The following RHBDD1 variants were observed in gnomAD, a reference collection of about 807,000 sequenced individuals.
RHBDD1 encodes rhomboid domain containing 1, also known as rhomboid-related protein 4.
In RHBDD1, 38 loss-of-function variants were observed where a neutral mutation model predicts 36.3. That is an observed-to-expected ratio of 1.05 (90% CI 0.81 to 1.37). RHBDD1 has a LOEUF of 1.37. RHBDD1 is among the 40% of genes most tolerant of loss of function. The probability of loss-of-function intolerance (pLI) is 0.00; values close to 1 mark genes in which losing one functional copy is unlikely to be tolerated. For synonymous variants in RHBDD1, 151 were observed against 136.5 expected, an observed-to-expected ratio of 1.11 and a Z score of -0.74; for missense variants, 393 against 377.6, an observed-to-expected ratio of 1.04 and a Z score of -0.34.
intron 2 of RHBDD1, among the ~76,000 whole-genome samples, chr2:226,839,096 A>AT (rs888131516): frequency 2.0e-4 from 31 of 152,300 alleles, no homozygotes; most frequent in African/African-American, 7.5e-4. Flanking sequence ...TTTACATTAC[A>AT]TTTTTTAATA....
chr2:226,981,326 C>G (rs771371994), intron 8 of RHBDD1, among the ~76,000 whole-genome samples: 1 of 151,402 alleles, frequency 6.6e-6, no homozygotes, highest in Non-Finnish European at 1.5e-5. Flanking sequence ...GTAACGAGAC[C>G]ACACATTGTG....
rs201657953 is a variant in RHBDD1, at chr2:226,865,068, T to A, written c.375T>A (p.Ala125=). The A allele has an allele frequency of 5.1e-5, 83 of 1,614,194 alleles. No individual in the cohort carries two copies. The East Asian group carries it at 1.6e-3, about 30-fold the overall frequency. The change falls in exon 4 of 9, where the codon GCT becomes GCA. Residue 125 remains alanine, a synonymous_variant. Transcript: ENST00000392062. ...TGVVYLLLQF[A]VAEFMDEPDF... is the part of the protein sequence containing the mutation. ...TGGTATACCTGCTCTTGCAATTTGC[T>A]GTTGCCGAATTTATGGATGAACCTG...
intron 8 of RHBDD1, among the ~76,000 whole-genome samples, chr2:226,974,782 A>G (rs1441918049): frequency 6.6e-6 from 1 of 152,118 alleles, no homozygotes. Context: ...TGAACTGTAC[A>G]GTGCTGAGAG....
the RHBDD1 span, among the ~76,000 whole-genome samples, chr2:226,817,760 G>A: frequency 6.6e-6 from 1 of 152,330 alleles, no homozygotes; most frequent in East Asian, 1.9e-4. Context: ...TCATGTTTAT[G>A]TGTGAATCAT....
the RHBDD1 span, among the ~76,000 whole-genome samples, chr2:226,827,950 G>A: frequency 1.3e-5 from 2 of 152,242 alleles, no homozygotes; most frequent in South Asian, 2.1e-4. Flanking sequence ...TCTTTAAATA[G>A]CTTTGTTAAT....
At chr2:226,849,256 T>G (rs1942542274) in intron 3 of RHBDD1, among the ~76,000 whole-genome samples, 1 of 152,234 alleles carries the variant, frequency 6.6e-6, no homozygotes, top group Non-Finnish European at 1.5e-5. Context: ...TTCCAGATTG[T>G]ATGCTCTTAA....
chr2:226,948,175 CAACAATGAT>C (rs1304236881), intron 8 of RHBDD1, among the ~76,000 whole-genome samples: 1 of 146,378 alleles, frequency 6.8e-6, no homozygotes, highest in Non-Finnish European at 1.5e-5. Flanking sequence ...CGCAAATGTC[CAACAATGAT>C]AGACTGGATT....
chr2:226,985,450 G>T (rs1189238351), intron 8 of RHBDD1, among the ~76,000 whole-genome samples: 3 of 152,214 alleles, frequency 2.0e-5, no homozygotes, highest in Non-Finnish European at 4.4e-5. Flanking sequence ...CTTACGATGC[G>T]GAATGCTTTG....
intron 5 of RHBDD1, among the ~76,000 whole-genome samples, chr2:226,888,851 T>C (rs1288779051): frequency 1.3e-5 from 2 of 152,218 alleles, no homozygotes; most frequent in East Asian, 1.9e-4. Flanking sequence ...TCAGGAGTTA[T>C]CAAATCTCTG....
intron 8 of RHBDD1, among the ~76,000 whole-genome samples, chr2:226,957,643 A>G (rs1951869248): frequency 1.3e-5 from 2 of 152,160 alleles, no homozygotes; most frequent in Non-Finnish European, 2.9e-5. Flanking sequence ...TTTGCAAACC[A>G]TGTATCTGAT....
chr2:226,801,963 A>G, the RHBDD1 span, among the ~76,000 whole-genome samples: 1 of 152,114 alleles, frequency 6.6e-6, no homozygotes, highest in South Asian at 2.1e-4. Flanking sequence ...TAAGACAACA[A>G]ATCAAATCCA....
chr2:226,852,937 A>ATTG (rs1559194531), intron 3 of RHBDD1, among the ~76,000 whole-genome samples: 3 of 140,006 alleles, frequency 2.1e-5, no homozygotes, highest in African/African-American at 8.8e-5. Context: ...TATTATTATT[A>ATTG]TTATTATTAT....
At chr2:226,814,999 A>G in the RHBDD1 span, among the ~76,000 whole-genome samples, 2 of 152,204 alleles carry the variant, frequency 1.3e-5, no homozygotes, top group African/African-American at 4.8e-5. Flanking sequence ...TGGGTTGCCT[A>G]TGTGACCAGC....
At chr2:226,908,786 G>T (rs751114696) in intron 6 of RHBDD1, 36 bp from the exon 7 acceptor site, 1 of 1,451,064 alleles carries the variant, frequency 6.9e-7, no homozygotes. Flanking sequence ...AAAGCTTTAT[G>T]GCTGCCATTA....
At chr2:226,942,703 T>C (rs1440969080) in intron 8 of RHBDD1, 1 of 155,574 alleles carries the variant, frequency 6.4e-6, no homozygotes, top group African/African-American at 2.4e-5. Flanking sequence ...TAAGTTTTTT[T>C]TGTTTGTTTG....
intron 8 of RHBDD1, among the ~76,000 whole-genome samples, chr2:226,989,035 T>A (rs1412964607): frequency 1.3e-5 from 2 of 152,264 alleles, no homozygotes; most frequent in Non-Finnish European, 2.9e-5. Flanking sequence ...GGTTTACACA[T>A]GCTGATGTAG....
chr2:226,862,029 C>T (rs984747037), intron 3 of RHBDD1, among the ~76,000 whole-genome samples: 1 of 151,992 alleles, frequency 6.6e-6, no homozygotes, highest in African/African-American at 2.4e-5. Context: ...TATGCATACA[C>T]ATATATATAT....
At chr2:226,946,943 C>G (rs888914227) in intron 8 of RHBDD1, among the ~76,000 whole-genome samples, 2 of 152,198 alleles carry the variant, frequency 1.3e-5, no homozygotes, top group Non-Finnish European at 2.9e-5. Flanking sequence ...CATAATTCAT[C>G]ACATAAACAG....
intron 8 of RHBDD1, among the ~76,000 whole-genome samples, chr2:226,935,670 A>T (rs774624429): frequency 6.6e-6 from 1 of 151,948 alleles, no homozygotes. Flanking sequence ...CGAATTGGTT[A>T]TGCTTCAGAG....
Sources: gnomAD v4.1 joint callset for allele counts (sites outside exome capture counted in the v4.1 genomes callset) on GRCh38, gnomAD v4.1.1 for gene constraint, MANE v1.5 for transcripts, NCBI Gene and HGNC (gene_info 2026-07-23, HGNC 2026-07-21) for gene names.